Variants in CNTN4 observed in about 807,000 individuals in gnomAD.
CNTN4 encodes the protein contactin 4.
CNTN4 carries 77 observed loss-of-function variants against 122.5 expected under a neutral mutation model. The ratio of observed to expected loss-of-function variants is 0.63; its 90% CI spans 0.52 to 0.76. CNTN4 has a LOEUF of 0.76. Among genes scored for constraint, CNTN4 ranks in the 30% least tolerant of loss-of-function variants. The pLI is 0.00. For synonymous variants in CNTN4, 512 were observed against 447.0 expected (o/e 1.15, Z -1.83); for missense variants, 1,256 against 1,259.1 (o/e 1.00, Z 0.04).
At chr3:2,304,271 C>T (rs887672802) in intron 2 of CNTN4, among the ~76,000 whole-genome samples, 1 of 151,968 alleles carries the variant, frequency 6.6e-6, no homozygotes, top group Non-Finnish European at 1.5e-5. Context: ...TTATTGAATG[C>T]CTTATGTAAT....
intron 3 of CNTN4, among the ~76,000 whole-genome samples, chr3:2,450,408 A>G (rs1045549554): frequency 6.9e-6 from 1 of 145,946 alleles, no homozygotes; most frequent in Non-Finnish European, 1.6e-5. Flanking sequence ...AATAAAAAAG[A>G]TGCCAGTCAG....
At chr3:2,601,819 T>A (rs915760648) in intron 4 of CNTN4, among the ~76,000 whole-genome samples, 2 of 152,100 alleles carry the variant, frequency 1.3e-5, no homozygotes, top group Non-Finnish European at 2.9e-5. Flanking sequence ...AAATCCCTGA[T>A]GAACATTGAT....
intron 2 of CNTN4, among the ~76,000 whole-genome samples, chr3:2,333,272 C>A (rs62243993): frequency 0.13 from 19,143 of 152,186 alleles, 1,490 homozygotes; most frequent in Non-Finnish European, 0.18. Context: ...CTTCCAGAAA[C>A]ATAGCTCTTC....
intron 3 of CNTN4, among the ~76,000 whole-genome samples, chr3:2,527,104 T>C (rs1048349152): frequency 1.5e-4 from 23 of 152,150 alleles, no homozygotes; most frequent in Non-Finnish European, 2.9e-4. Flanking sequence ...CCAGCTGCAG[T>C]GTGGGTGCAC....
At chr3:2,563,625 G>A (rs981916422) in intron 3 of CNTN4, among the ~76,000 whole-genome samples, 2 of 152,128 alleles carry the variant, frequency 1.3e-5, no homozygotes, top group South Asian at 2.1e-4. Flanking sequence ...AGCTTCATAT[G>A]TATGGATAAT....
chr3:2,992,564 T>A (rs1440966453), intron 14 of CNTN4, among the ~76,000 whole-genome samples: 1 of 152,160 alleles, frequency 6.6e-6, no homozygotes, highest in Non-Finnish European at 1.5e-5. Context: ...CATGACACAG[T>A]GCCTCTGCTA....
intron 13 of CNTN4, among the ~76,000 whole-genome samples, chr3:2,941,630 A>G (rs1011569324): frequency 2.6e-5 from 4 of 152,128 alleles, no homozygotes; most frequent in African/African-American, 7.2e-5. Flanking sequence ...CACTGGCCCA[A>G]CCACCCTCAT....
intron 2 of CNTN4, among the ~76,000 whole-genome samples, chr3:2,172,114 C>A (rs2149247583): frequency 6.6e-6 from 1 of 152,184 alleles, no homozygotes; most frequent in African/African-American, 2.4e-5. Flanking sequence ...TGATCTTTCT[C>A]TTTTGAGTAT....
chr3:2,782,377 A>ATT (rs922794055), intron 6 of CNTN4, among the ~76,000 whole-genome samples: 3 of 151,402 alleles, frequency 2.0e-5, no homozygotes, highest in Non-Finnish European at 4.4e-5. Context: ...GCCTTCCATG[A>ATT]TTGCATCTTT....
At chr3:2,906,660 A>C (rs1487296445) in intron 12 of CNTN4, among the ~76,000 whole-genome samples, 1 of 151,814 alleles carries the variant, frequency 6.6e-6, no homozygotes, top group African/African-American at 2.4e-5. Flanking sequence ...CAAAATGGTG[A>C]AACCCCATAT....
At chr3:3,043,209 T>C in intron 22 of CNTN4, 46 bp downstream of exon 22, 1 of 1,557,048 alleles carries the variant, frequency 6.4e-7, no homozygotes, top group South Asian at 1.1e-5. Flanking sequence ...TCATCACACA[T>C]ATCCCAAGTT....
At chr3:2,628,019 G>C (rs1344225774) in intron 4 of CNTN4, among the ~76,000 whole-genome samples, 1 of 152,148 alleles carries the variant, frequency 6.6e-6, no homozygotes, top group Non-Finnish European at 1.5e-5. Context: ...TGAGGGACTT[G>C]CTTCGTAGTA....
intron 2 of CNTN4, among the ~76,000 whole-genome samples, chr3:2,102,706 A>C (rs2032086131): frequency 6.6e-6 from 1 of 152,180 alleles, no homozygotes; most frequent in Non-Finnish European, 1.5e-5. Flanking sequence ...GAATGAGTGC[A>C]TATTACTTTT....
chr3:2,903,550 T>G (rs1003324159), intron 12 of CNTN4, among the ~76,000 whole-genome samples: 5 of 152,192 alleles, frequency 3.3e-5, no homozygotes, highest in Non-Finnish European at 7.3e-5. Flanking sequence ...AGGCCACTGG[T>G]ACATACTGAG....
intron 3 of CNTN4, among the ~76,000 whole-genome samples, chr3:2,374,200 G>T (rs1037963689): frequency 6.6e-6 from 1 of 152,150 alleles, no homozygotes; most frequent in African/African-American, 2.4e-5. Context: ...TCTGTCCATA[G>T]ATTGTGGAAT....
intron 7 of CNTN4, among the ~76,000 whole-genome samples, chr3:2,824,593 C>T (rs368832604): frequency 1.3e-5 from 2 of 152,158 alleles, no homozygotes; most frequent in African/African-American, 4.8e-5. Context: ...TGGAGTGCTT[C>T]GATTTCCACA....
intron 6 of CNTN4, among the ~76,000 whole-genome samples, chr3:2,795,905 C>T (rs939184817): frequency 6.6e-6 from 1 of 152,098 alleles, no homozygotes; most frequent in African/African-American, 2.4e-5. Flanking sequence ...AAATATATAA[C>T]ATTTGATTGT....
chr3:2,381,605 T>C (rs887395531), intron 3 of CNTN4, among the ~76,000 whole-genome samples: 4 of 152,180 alleles, frequency 2.6e-5, no homozygotes, highest in Non-Finnish European at 5.9e-5. Context: ...TGCATGGTAG[T>C]TTTTCCCTTC....
intron 4 of CNTN4, among the ~76,000 whole-genome samples, chr3:2,705,240 C>T (rs898628798): frequency 3.4e-5 from 5 of 148,086 alleles, no homozygotes; most frequent in East Asian, 2.0e-4. Context: ...TAGTGGCGGG[C>T]GCCTGTAGTC....
Sources: allele counts gnomAD v4.1 joint callset (sites outside exome capture counted in the v4.1 genomes callset), GRCh38; gene constraint gnomAD v4.1.1; transcripts MANE v1.5; gene names NCBI Gene and HGNC (gene_info 2026-07-23, HGNC 2026-07-21).